The following SH3PXD2B variants were observed in gnomAD, a reference collection of about 807,000 sequenced individuals.
The protein encoded by SH3PXD2B is SH3 and PX domain-containing protein 2B.
SH3PXD2B carries 37 observed loss-of-function variants against 73.1 expected under a neutral mutation model. That is an observed-to-expected ratio of 0.51 (90% CI 0.39 to 0.67). The LOEUF (loss-of-function observed/expected upper bound fraction) is 0.67, where lower values mean the gene tolerates loss of function less well. Among genes scored for constraint, SH3PXD2B ranks in the 30% least tolerant of loss-of-function variants. The pLI is 0.00. For synonymous variants in SH3PXD2B, 457 were observed against 480.5 expected (o/e 0.95, Z 0.64); for missense variants, 1,053 against 1,197.8 (o/e 0.88, Z 1.78).
chr5:172,352,848 G>A (rs993073792), intron 9 of SH3PXD2B, among the ~76,000 whole-genome samples: 19 of 152,114 alleles, frequency 1.2e-4, no homozygotes, highest in African/African-American at 4.6e-4. Flanking sequence ...TTTCTTCCCA[G>A]TCTGGGGTAT....
chr5:172,397,762 A>G (rs1758337569), intron 3 of SH3PXD2B, among the ~76,000 whole-genome samples: 1 of 152,198 alleles, frequency 6.6e-6, no homozygotes, highest in Admixed American at 6.5e-5. Context: ...TACTGGCACA[A>G]TGGGGGGCTG....
intron 3 of SH3PXD2B, among the ~76,000 whole-genome samples, chr5:172,401,144 G>A (rs1758413046): frequency 6.6e-6 from 1 of 152,180 alleles, no homozygotes; most frequent in Admixed American, 6.5e-5. Flanking sequence ...ATTTAAGACA[G>A]TCTGTTATTT....
In SH3PXD2B at chr5:172,337,261, C is replaced by T. The variant is rs934400694; in HGVS notation, c.*1108G>A. ...CCCCCTCACCCCCCTCACAATGAAGCCACTTGGCCACCACTTAGCCAGCTT... is the reference window on the plus strand; with the variant it reads ...CCCCCTCACCCCCCTCACAATGAAGTCACTTGGCCACCACTTAGCCAGCTT... On this transcript the variant is annotated 3_prime_UTR_variant, in exon 13 of 13. Transcript: ENST00000311601. 5.1e-6 allele frequency: 5 copies of T among 985,714 alleles called. No homozygotes were observed. Among genetic ancestry groups the T allele is most frequent in the East Asian group, 1.1e-4 (1 of 8,844 alleles). 61.1% of individuals were successfully genotyped at this position (985,714 alleles called of 1,614,324 possible).
At chr5:172,374,020 T>C (rs2113354183) in intron 5 of SH3PXD2B, among the ~76,000 whole-genome samples, 1 of 152,312 alleles carries the variant, frequency 6.6e-6, no homozygotes, top group Middle Eastern at 3.4e-3. Context: ...TGATAAGTGC[T>C]CTGGTGCCCT....
intron 8 of SH3PXD2B, among the ~76,000 whole-genome samples, chr5:172,358,170 C>G (rs115844418): frequency 6.6e-6 from 1 of 152,220 alleles, no homozygotes; most frequent in Non-Finnish European, 1.5e-5. Context: ...TAAGCCCCTG[C>G]TGATGAGTGA....
intron 2 of SH3PXD2B, among the ~76,000 whole-genome samples, chr5:172,407,755 G>A (rs1250358247): frequency 1.3e-5 from 2 of 152,188 alleles, no homozygotes; most frequent in Non-Finnish European, 2.9e-5. Context: ...GGGAGGACCC[G>A]AAGTGGGAGA....
chr5:172,436,449 G>C (rs150602842), intron 1 of SH3PXD2B, among the ~76,000 whole-genome samples: 15 of 152,202 alleles, frequency 9.9e-5, no homozygotes, highest in African/African-American at 3.6e-4. Context: ...GACAACAAAG[G>C]GTTCCAGGCC....
Position 172,425,276 on chromosome 5 carries a change from T to A in SH3PXD2B, c.76-2780A>T, listed in dbSNP as rs373411818. Among the ~76,000 whole-genome samples, 77 of 151,966 alleles carry A rather than the reference T, an allele frequency of 5.1e-4. No homozygotes were observed. The South Asian group carries it at 0.015, about 29-fold the overall frequency. ...TGCATGCCAGGCCCTCTGCTAGGGG[T>A]TGAGATACTATGGGGAGCAAGGCAG... is the stretch of plus-strand genomic sequence containing the variant. On this transcript the variant is annotated intron_variant, in intron 1 of 12. Transcript: ENST00000311601.
chr5:172,431,669 TTATA>T (rs1759244619), intron 1 of SH3PXD2B, among the ~76,000 whole-genome samples: 3 of 150,426 alleles, frequency 2.0e-5, no homozygotes, highest in South Asian at 2.1e-4. Context: ...GTGTGGGTGT[TTATA>T]TACACAGACA....
At chr5:172,440,547 A>G (rs1759532731) in intron 1 of SH3PXD2B, among the ~76,000 whole-genome samples, 1 of 152,184 alleles carries the variant, frequency 6.6e-6, no homozygotes, top group African/African-American at 2.4e-5. Flanking sequence ...TCAGCCCCAC[A>G]ACCAAAGCCA....
At chr5:172,436,076 C>T (rs1323572782) in intron 1 of SH3PXD2B, among the ~76,000 whole-genome samples, 1 of 152,224 alleles carries the variant, frequency 6.6e-6, no homozygotes. Flanking sequence ...GGGTTACACT[C>T]TCAGCTGTGG....
intron 1 of SH3PXD2B, among the ~76,000 whole-genome samples, chr5:172,433,351 A>T (rs1379844362): frequency 4.6e-5 from 7 of 152,180 alleles, no homozygotes; most frequent in Admixed American, 1.3e-4. Context: ...ACACATGACC[A>T]AGCATATATA....
intron 3 of SH3PXD2B, among the ~76,000 whole-genome samples, chr5:172,400,120 C>T (rs1758393414): frequency 6.6e-6 from 1 of 152,176 alleles, no homozygotes; most frequent in African/African-American, 2.4e-5. Context: ...GGAACCGGGA[C>T]ATTTGGTCTC....
intron 6 of SH3PXD2B, 92 bp from the exon 7 acceptor site, chr5:172,362,961 A>T: frequency 6.5e-7 from 1 of 1,549,382 alleles, no homozygotes; most frequent in South Asian, 1.1e-5. Context: ...AGGACGTTCC[A>T]AATAAAAAAG....
Position 172,353,516 on chromosome 5 carries a change from G to A in SH3PXD2B, c.785+372C>T, listed in dbSNP as rs1467772916. On this transcript the variant is annotated intron_variant, in intron 9 of 12. Coordinates refer to ENST00000311601, the MANE Select transcript of SH3PXD2B (RefSeq NM_001017995.3). The surrounding 1 kb of genome is among the most constrained non-coding windows in gnomAD (Gnocchi z 4.3). ...CTAGGACGAATTACAGTCCATGAGTGTTTATGCACCATCTTGTTCTCAGAA... is the reference window on the plus strand; with the variant it reads ...CTAGGACGAATTACAGTCCATGAGTATTTATGCACCATCTTGTTCTCAGAA... 6.6e-6 allele frequency among the ~76,000 whole-genome samples: 1 copy of A among 152,202 alleles called. No individual in the cohort carries two copies. The highest frequency in any genetic ancestry group is 1.5e-5 in the Non-Finnish European group (1 of 68,040).
intron 4 of SH3PXD2B, among the ~76,000 whole-genome samples, chr5:172,391,504 C>T (rs1758189545): frequency 6.6e-6 from 1 of 152,156 alleles, no homozygotes; most frequent in African/African-American, 2.4e-5. Flanking sequence ...ACTCTGTTGC[C>T]CAGGCTGGAG....
At chr5:172,325,653 A>G (rs1241771059) in intron 12 of SH3PXD2B, among the ~76,000 whole-genome samples, 3 of 152,212 alleles carry the variant, frequency 2.0e-5, no homozygotes, top group African/African-American at 7.2e-5. Context: ...AGGGCAGAAG[A>G]GCAGCTGAAA....
rs531255417 is a variant in SH3PXD2B at position 172,347,800 on chromosome 5, T to C, written c.1013-468A>G. ...GGAAACATCTGTGAAGCTCTTGGCA[T>C]GTGGCAGGCATGCAGTGAATGTTAT... is the stretch of plus-strand genomic sequence containing the variant. On this transcript the variant is annotated intron_variant, in intron 10 of 12. Coordinates refer to ENST00000311601, the MANE Select transcript of SH3PXD2B (RefSeq NM_001017995.3). Among the ~76,000 whole-genome samples the C allele has an allele frequency of 7.2e-5, 11 of 152,292 alleles. No homozygotes were observed. In the South Asian group the frequency reaches 2.1e-3, roughly 29 times the overall value.
At chr5:172,416,008 C>T (rs1463455176) in intron 2 of SH3PXD2B, among the ~76,000 whole-genome samples, 1 of 152,140 alleles carries the variant, frequency 6.6e-6, no homozygotes, top group Non-Finnish European at 1.5e-5. Flanking sequence ...AGTCAGGAAA[C>T]CAAGTTGGAA....
Sources: gnomAD v4.1 joint callset for allele counts (sites outside exome capture counted in the v4.1 genomes callset) on GRCh38, gnomAD v4.1.1 for gene constraint, Gnocchi (gnomAD v3.1) non-coding constraint, MANE v1.5 for transcripts, NCBI Gene and HGNC (gene_info 2026-07-23, HGNC 2026-07-21) for gene names.